ST3GAL5: variants seen among roughly 807,000 people sequenced by gnomAD.
The protein encoded by ST3GAL5 is lactosylceramide alpha-2,3-sialyltransferase.
Under a neutral mutation model 46.1 loss-of-function variants are expected in ST3GAL5, and 25 were observed. The observed-to-expected ratio is 0.54, with a 90% CI of 0.40 to 0.76. ST3GAL5 has a LOEUF of 0.76. Ranked by LOEUF, ST3GAL5 falls within the 30% of genes least tolerant of loss-of-function variation. ST3GAL5 has a pLI of 0.00. For synonymous variants in ST3GAL5, 182 were observed against 192.7 expected, an observed-to-expected ratio of 0.94 and a Z score of 0.46; for missense variants, 431 against 521.2, an observed-to-expected ratio of 0.83 and a Z score of 1.69.
chr2:85,847,835 C>A (rs1340169726), intron 4 of ST3GAL5, 26 bp downstream of exon 4: 31 of 1,611,942 alleles, frequency 1.9e-5, no homozygotes, highest in Non-Finnish European at 2.5e-5. Context: ...AATAAGTAAA[C>A]AAACAAACAA....
At chr2:85,870,052 T>C (rs1171867295) in intron 1 of ST3GAL5, 1 of 372,374 alleles carries the variant, frequency 2.7e-6, no homozygotes, top group Non-Finnish European at 5.5e-6. Context: ...ATAATAAAAC[T>C]ACAGACATGC....
At chr2:85,841,497 C>T (rs1239344388) in intron 6 of ST3GAL5, among the ~76,000 whole-genome samples, 1 of 152,044 alleles carries the variant, frequency 6.6e-6, no homozygotes, top group Non-Finnish European at 1.5e-5. Context: ...CCATGCCCAG[C>T]TACTTTTTGT....
At chr2:85,854,757 G>A (rs1683913332) in intron 3 of ST3GAL5, 1 of 152,200 alleles carries the variant, frequency 6.6e-6, no homozygotes, top group South Asian at 2.1e-4. Context: ...TAAGCACACA[G>A]CCCCTGTCTC....
chr2:85,881,666 G>A (rs1318254271), intron 1 of ST3GAL5, among the ~76,000 whole-genome samples: 1 of 152,200 alleles, frequency 6.6e-6, no homozygotes, highest in Non-Finnish European at 1.5e-5. Context: ...AGGGTATCTG[G>A]TGGAAGAAAT....
chr2:85,878,271 C>G (rs2104209007), intron 1 of ST3GAL5, among the ~76,000 whole-genome samples: 1 of 152,302 alleles, frequency 6.6e-6, no homozygotes, highest in East Asian at 1.9e-4. Flanking sequence ...AATATAAGAA[C>G]AGAACATTTA....
At chr2:85,875,614 C>T (rs1686456407) in intron 1 of ST3GAL5, 1 of 152,012 alleles carries the variant, frequency 6.6e-6, no homozygotes, top group East Asian at 1.9e-4. Flanking sequence ...ATGTTATAGC[C>T]ATCTAGGGGA....
Position 85,853,048 on chromosome 2 carries a change from G to C in ST3GAL5, c.319-4844C>G, listed in dbSNP as rs1283109754. 3.8e-6 allele frequency: 5 copies of C among 1,304,200 alleles called. No homozygotes were observed. In the South Asian group the frequency reaches 6.2e-5, roughly 16 times the overall value. 80.8% of individuals were successfully genotyped at this position (1,304,200 alleles called of 1,614,324 possible). A position where few individuals can be genotyped will look rare whatever the true frequency, so the allele number is the denominator to read the frequency against. On this transcript the variant is annotated intron_variant, in intron 3 of 6. Transcript: ENST00000638572. ...ATGAAGAAGCGGCTGAGTCCATCTG[G>C]CCATAATTAACTGCACGCAATGCCA...
At chr2:85,843,705 C>G in intron 6 of ST3GAL5, among the ~76,000 whole-genome samples, 1 of 152,184 alleles carries the variant, frequency 6.6e-6, no homozygotes, top group South Asian at 2.1e-4. Flanking sequence ...GATCAAGAAG[C>G]CGCAAGTAAT....
intron 3 of ST3GAL5, among the ~76,000 whole-genome samples, chr2:85,858,637 G>C (rs1339683475): frequency 6.6e-6 from 1 of 152,222 alleles, no homozygotes; most frequent in African/African-American, 2.4e-5. Context: ...AAGATCCCCA[G>C]AGAGTCACCA....
chr2:85,842,093 G>T lies in ST3GAL5; in HGVS notation c.1009-1701C>A, dbSNP rs573487278. On this transcript the variant is annotated intron_variant, in intron 6 of 6. Coordinates refer to ENST00000638572, the MANE Select transcript of ST3GAL5 (RefSeq NM_003896.4). ...AGTTCACAGATTCAGGTGGGATTAG[G>T]GAACATCTACTGAAGCCATCATTTG... 2.6e-5 allele frequency among the ~76,000 whole-genome samples: 4 copies of T among 152,254 alleles called. No homozygotes were observed. In the South Asian group the frequency reaches 8.3e-4, roughly 32 times the overall value.
At chr2:85,863,291 T>C in intron 2 of ST3GAL5, 71 bp downstream of exon 2, 1 of 1,610,584 alleles carries the variant, frequency 6.2e-7, no homozygotes, top group East Asian at 2.2e-5. Context: ...GGGCTCTCAC[T>C]GAATTTTTCT....
In ST3GAL5 at chr2:85,870,196, A is replaced by G. The variant is rs150116606; in HGVS notation, c.83-6711T>C. 106 of 470,718 alleles carry G rather than the reference A, an allele frequency of 2.3e-4. 2 individuals carry two copies. The highest frequency in any genetic ancestry group is 2.1e-3 in the African/African-American group (103 of 50,148). 29.2% of individuals were successfully genotyped at this position (470,718 alleles called of 1,614,324 possible). A position where few individuals can be genotyped will look rare whatever the true frequency, so the allele number is the denominator to read the frequency against. On this transcript the variant is annotated intron_variant, in intron 1 of 6. Coordinates refer to ENST00000638572, the MANE Select transcript of ST3GAL5 (RefSeq NM_003896.4). ...ATTACACGTTTGTCTTGTCTCCCCC[A>G]CTAGAATGCAGATTCCATGCAAGCA...
At chr2:85,857,398 G>T (rs1684250804) in intron 3 of ST3GAL5, among the ~76,000 whole-genome samples, 1 of 151,744 alleles carries the variant, frequency 6.6e-6, no homozygotes, top group African/African-American at 2.4e-5. Flanking sequence ...TTAGCTGGGT[G>T]TGGTGGCACA....
At chr2:85,884,466 T>G (rs1186405450) in intron 1 of ST3GAL5, among the ~76,000 whole-genome samples, 1 of 152,226 alleles carries the variant, frequency 6.6e-6, no homozygotes, top group East Asian at 1.9e-4. Flanking sequence ...TAAAATGTAG[T>G]TACTAGAAAA....
chr2:85,884,704 G>T (rs79324391), intron 1 of ST3GAL5, among the ~76,000 whole-genome samples: 1 of 152,170 alleles, frequency 6.6e-6, no homozygotes, highest in Admixed American at 6.5e-5. Flanking sequence ...AAGCAAAAAG[G>T]GGGTGAAGAA....
chr2:85,863,560 G>C, intron 1 of ST3GAL5, 75 bp from the exon 2 acceptor site: 6 of 1,540,590 alleles, frequency 3.9e-6, no homozygotes, highest in African/African-American at 2.7e-5. Context: ...GGTTTTCAAA[G>C]AGCCTTTATA....
At chr2:85,883,854 G>C (rs777502242) in intron 1 of ST3GAL5, among the ~76,000 whole-genome samples, 1 of 152,156 alleles carries the variant, frequency 6.6e-6, no homozygotes, top group Admixed American at 6.5e-5. Context: ...GTCCTCTCAC[G>C]AAGCAGGACC....
intron 1 of ST3GAL5, chr2:85,888,583 G>T: frequency 3.7e-6 from 1 of 271,636 alleles, no homozygotes; most frequent in Non-Finnish European, 6.8e-6. Context: ...CCGGCGGTCC[G>T]CCCCACCCTC....
chr2:85,883,615 G>T (rs11694341), intron 1 of ST3GAL5, among the ~76,000 whole-genome samples: 6,757 of 152,256 alleles, frequency 0.044, 214 homozygotes, highest in East Asian at 0.11. Flanking sequence ...CAGTGGGGAC[G>T]GATGGCAGAA....
Sources: gnomAD v4.1 joint callset for allele counts (sites outside exome capture counted in the v4.1 genomes callset) on GRCh38, gnomAD v4.1.1 for gene constraint, MANE v1.5 for transcripts, NCBI Gene and HGNC (gene_info 2026-07-23, HGNC 2026-07-21) for gene names.